The following PTPRK variants were observed in gnomAD, a reference collection of about 807,000 sequenced individuals.
The protein encoded by PTPRK is protein tyrosine phosphatase receptor type K.
In PTPRK, 75 loss-of-function variants were observed where a neutral mutation model predicts 178.0. That is an observed-to-expected ratio of 0.42 (90% confidence interval 0.35 to 0.51). PTPRK has a LOEUF of 0.51. Among genes scored for constraint, PTPRK ranks in the 20% least tolerant of loss-of-function variants. The probability of loss-of-function intolerance (pLI) is 0.02; values close to 1 mark genes in which losing one functional copy is unlikely to be tolerated. For synonymous variants in PTPRK, 637 were observed against 620.6 expected (o/e 1.03, Z -0.39); for missense variants, 1,441 against 1,797.8 (o/e 0.80, Z 3.59).
chr6:128,519,786 T>C lies in PTPRK; in HGVS notation c.100+473A>G, dbSNP rs1388194401. Among the ~76,000 whole-genome samples, 1 of 152,164 alleles carries C rather than the reference T, an allele frequency of 6.6e-6. No homozygotes were observed. Among genetic ancestry groups the C allele is most frequent in the East Asian group, 1.9e-4 (1 of 5,176 alleles). On this transcript the variant is annotated intron_variant, in intron 1 of 29. Coordinates refer to ENST00000368226, the MANE Select transcript of PTPRK (RefSeq NM_002844.4). The surrounding 1 kb of genome is among the most constrained non-coding windows in gnomAD (Gnocchi z 4.3). ...GTTAGACAATAGTCAGGGGAGGTTA[T>C]TCCCGGGACAAAAAGCACCTGGCAA...
intron 18 of PTPRK, chr6:127,995,118 A>G (rs1257633179): frequency 1.1e-6 from 1 of 892,232 alleles, no homozygotes; most frequent in African/African-American, 1.7e-5. Flanking sequence ...ACGAACAGAG[A>G]TATATTGTAT....
At position 127,990,334 on chromosome 6, in the gene PTPRK, T is replaced by C. The variant is rs9402012; in HGVS notation, c.3096+435A>G. ...CCCTCTGTCAGAAACATTATTGCCC[T>C]GGACATAACCCGTCACTCCCTCACT... On this transcript the variant is annotated intron_variant, in intron 21 of 29. Transcript: ENST00000368226. Among the ~76,000 whole-genome samples, 2,391 of 152,170 alleles carry C rather than the reference T, an allele frequency of 0.016. 248 individuals are homozygous for C. The East Asian group carries it at 0.29, about 18-fold the overall frequency.
At chr6:128,212,343 C>A (rs1263458410) in intron 6 of PTPRK, among the ~76,000 whole-genome samples, 5 of 151,884 alleles carry the variant, frequency 3.3e-5, no homozygotes, top group Non-Finnish European at 7.4e-5. Context: ...AATGAAGTTG[C>A]AAATAAACCC....
intron 22 of PTPRK, among the ~76,000 whole-genome samples, chr6:127,983,765 T>C (rs1043128874): frequency 1.3e-5 from 2 of 152,204 alleles, no homozygotes; most frequent in African/African-American, 4.8e-5. Context: ...CATCTAGTTG[T>C]GTGTCCTCTG....
At chr6:128,205,065 T>C (rs1806680306) in intron 6 of PTPRK, among the ~76,000 whole-genome samples, 1 of 152,166 alleles carries the variant, frequency 6.6e-6, no homozygotes, top group South Asian at 2.1e-4. Context: ...ATGTATACCA[T>C]GAAATACCAT....
At chr6:128,268,396 C>T (rs578154747) in intron 3 of PTPRK, among the ~76,000 whole-genome samples, 180 of 151,826 alleles carry the variant, frequency 1.2e-3, no homozygotes, top group Non-Finnish European at 2.4e-3. Flanking sequence ...ATATTTTCTA[C>T]GTGAGAGGAA....
chr6:128,288,356 T>C (rs1183772633), intron 3 of PTPRK, among the ~76,000 whole-genome samples: 3 of 152,196 alleles, frequency 2.0e-5, no homozygotes, highest in Non-Finnish European at 4.4e-5. Flanking sequence ...GCTTTGGATA[T>C]AATAATACAA....
At chr6:128,189,055 A>G (rs180959085) in intron 6 of PTPRK, among the ~76,000 whole-genome samples, 173 of 152,196 alleles carry the variant, frequency 1.1e-3, no homozygotes, top group African/African-American at 3.9e-3. Context: ...AGCCTACCAC[A>G]GACATGGACT....
intron 3 of PTPRK, among the ~76,000 whole-genome samples, chr6:128,315,203 T>A (rs949924412): frequency 6.6e-6 from 1 of 152,184 alleles, no homozygotes; most frequent in Non-Finnish European, 1.5e-5. Context: ...ATATTTGTGA[T>A]GTTGTTGCAA....
At chr6:128,081,550 CATTAAT>C (rs1361068050) in intron 10 of PTPRK, among the ~76,000 whole-genome samples, 7 of 151,738 alleles carry the variant, frequency 4.6e-5, no homozygotes, top group Admixed American at 6.6e-5. Context: ...AATGATGTAT[CATTAAT>C]ATTTGCCATG....
At chr6:128,291,887 CT>C (rs1823444661) in intron 3 of PTPRK, among the ~76,000 whole-genome samples, 1 of 152,098 alleles carries the variant, frequency 6.6e-6, no homozygotes, top group Non-Finnish European at 1.5e-5. Context: ...TTTAACTACT[CT>C]TGTTGTAGAA....
chr6:128,440,108 T>C (rs7766652), intron 1 of PTPRK, among the ~76,000 whole-genome samples: 15 of 152,124 alleles, frequency 9.9e-5, no homozygotes, highest in African/African-American at 3.6e-4. Context: ...TACATGTGGA[T>C]TTCATGGGGC....
intron 1 of PTPRK, among the ~76,000 whole-genome samples, chr6:128,405,121 T>C (rs1841502205): frequency 1.3e-5 from 2 of 152,168 alleles, no homozygotes; most frequent in African/African-American, 4.8e-5. Context: ...GGGTCTTTAA[T>C]AGAAAAAGCT....
Position 127,985,813 on chromosome 6 carries a change from T to G in PTPRK, c.3159A>C (p.Gly1053=), listed in dbSNP as rs1420739910. ...QFHFTGWPDH[G]VPYHATGLLS... ...GCAGCCCTGTAGCATGGTAGGGCAC[T>G]CCATGGTCAGGCCAGCCCGTGAAAT... is the stretch of plus-strand genomic sequence containing the variant. The change falls in exon 22 of 30, where the codon GGA becomes GGC. Residue 1053 remains glycine, a synonymous_variant. Coordinates refer to ENST00000368226, the MANE Select transcript of PTPRK (RefSeq NM_002844.4). 1 of 1,613,856 alleles carries G rather than the reference T, an allele frequency of 6.2e-7. No individual in the cohort carries two copies. Among genetic ancestry groups the G allele is most frequent in the Non-Finnish European group, 8.5e-7 (1 of 1,179,904 alleles).
intron 2 of PTPRK, among the ~76,000 whole-genome samples, chr6:128,328,573 C>A (rs377053820): frequency 6.6e-6 from 1 of 152,038 alleles, no homozygotes; most frequent in African/African-American, 2.4e-5. Flanking sequence ...TTTGGAAGTA[C>A]ATATTTAATG....
intron 7 of PTPRK, among the ~76,000 whole-genome samples, chr6:128,123,370 G>A (rs1401871546): frequency 6.6e-6 from 1 of 152,134 alleles, no homozygotes; most frequent in African/African-American, 2.4e-5. Context: ...TTGATAAACA[G>A]TTGTAGGAAA....
chr6:128,019,362 T>C (rs147640786), intron 13 of PTPRK, among the ~76,000 whole-genome samples: 40 of 152,182 alleles, frequency 2.6e-4, no homozygotes, highest in African/African-American at 9.4e-4. Context: ...GGGGATACAA[T>C]AGAGGTGTCA....
intron 2 of PTPRK, among the ~76,000 whole-genome samples, chr6:128,366,102 T>C (rs2128345086): frequency 6.6e-6 from 1 of 152,200 alleles, no homozygotes. Flanking sequence ...TTAGGAAAAC[T>C]TGTCAGTAAA....
At chr6:128,026,608 A>G (rs1774351722) in intron 13 of PTPRK, among the ~76,000 whole-genome samples, 1 of 152,252 alleles carries the variant, frequency 6.6e-6, no homozygotes, top group South Asian at 2.1e-4. Flanking sequence ...GGAACTTAAT[A>G]TACAATTACT....
Sources: allele counts gnomAD v4.1 joint callset (sites outside exome capture counted in the v4.1 genomes callset), GRCh38; gene constraint gnomAD v4.1.1; non-coding constraint Gnocchi (gnomAD v3.1); transcripts MANE v1.5; gene names NCBI Gene and HGNC (gene_info 2026-07-23, HGNC 2026-07-21).